Variants in DDX50 observed in about 807,000 individuals in gnomAD.
DDX50 encodes the protein ATP-dependent RNA helicase DDX50.
Under a neutral mutation model 94.8 loss-of-function variants are expected in DDX50, and 56 were observed. The ratio of observed to expected loss-of-function variants is 0.59; its 90% confidence interval spans 0.48 to 0.74. DDX50 has a LOEUF of 0.74. DDX50 is among the 30% of genes least tolerant of loss of function. DDX50 has a pLI of 0.00. For missense variants in DDX50, 713 were observed against 881.2 expected, an observed-to-expected ratio of 0.81 and a Z score of 2.42; for synonymous variants, 264 against 295.4, an observed-to-expected ratio of 0.89 and a Z score of 1.09.
At chr10:68,921,580 G>C (rs1346921031) in intron 8 of DDX50, among the ~76,000 whole-genome samples, 1 of 152,126 alleles carries the variant, frequency 6.6e-6, no homozygotes, top group Non-Finnish European at 1.5e-5. Flanking sequence ...TTTTTGTGAT[G>C]CTAACATCCA....
intron 4 of DDX50, among the ~76,000 whole-genome samples, chr10:68,912,557 G>A (rs1261154933): frequency 6.6e-6 from 1 of 152,138 alleles, no homozygotes; most frequent in Admixed American, 6.5e-5. Flanking sequence ...AGATGTTACT[G>A]GAGATTCCAG....
chr10:68,901,641 C>A (rs766833989), intron 1 of DDX50, among the ~76,000 whole-genome samples, 170 bp downstream of exon 1: 1 of 152,212 alleles, frequency 6.6e-6, no homozygotes, highest in Non-Finnish European at 1.5e-5. Flanking sequence ...TCCACCTCCA[C>A]CCTCCCGACC....
At chr10:68,945,079 T>G (rs1306155761) in intron 14 of DDX50, among the ~76,000 whole-genome samples, 2 of 152,188 alleles carry the variant, frequency 1.3e-5, no homozygotes, top group Non-Finnish European at 2.9e-5. Context: ...AATTTACTAT[T>G]ATTAGGACTG....
intron 10 of DDX50, 24 bp from the exon 11 acceptor site, chr10:68,935,982 T>C: frequency 2.6e-6 from 4 of 1,512,440 alleles, no homozygotes; most frequent in Non-Finnish European, 3.6e-6. Flanking sequence ...CCATTTTTCT[T>C]TAATGTAACT....
intron 14 of DDX50, among the ~76,000 whole-genome samples, chr10:68,943,896 T>C (rs965836559): frequency 2.0e-5 from 3 of 152,196 alleles, no homozygotes; most frequent in African/African-American, 7.2e-5. Context: ...TTATTATAAA[T>C]CATTTCAAAC....
At chr10:68,905,281 A>G (rs1188271263) in intron 1 of DDX50, among the ~76,000 whole-genome samples, 1 of 152,048 alleles carries the variant, frequency 6.6e-6, no homozygotes, top group African/African-American at 2.4e-5. Context: ...AACACTGGCC[A>G]CTAGTTTGAG....
At chr10:68,928,061 A>G (rs1842136493) in intron 8 of DDX50, among the ~76,000 whole-genome samples, 1 of 152,170 alleles carries the variant, frequency 6.6e-6, no homozygotes, top group South Asian at 2.1e-4. Flanking sequence ...TTTGAAATTA[A>G]AAGAATTTCC....
chr10:68,911,911 T>G (rs1214227791), intron 4 of DDX50, among the ~76,000 whole-genome samples: 1 of 152,214 alleles, frequency 6.6e-6, no homozygotes, highest in Non-Finnish European at 1.5e-5. Context: ...TAAAAAGCTG[T>G]GTGCACTTAA....
intron 8 of DDX50, among the ~76,000 whole-genome samples, chr10:68,922,980 C>T (rs1043855477): frequency 1.5e-4 from 22 of 150,210 alleles, no homozygotes; most frequent in African/African-American, 5.1e-4. Context: ...TTAGCAGAGA[C>T]GGGTTTCACC....
At chr10:68,925,026 T>C (rs1303205805) in intron 8 of DDX50, among the ~76,000 whole-genome samples, 1 of 151,452 alleles carries the variant, frequency 6.6e-6, no homozygotes, top group Non-Finnish European at 1.5e-5. Context: ...ACTGGGTCCC[T>C]GAATCACCTG....
In DDX50 at chr10:68,934,347, G is replaced by A. The variant is rs148822521; in HGVS notation, c.1388G>A (p.Ser463Asn). ...DIPEVDLVIQSSPPQDVESYI... is the reference protein window; with the variant it reads ...DIPEVDLVIQNSPPQDVESYI... ...CCTGAAGTTGACCTGGTGATTCAAAGTTCTCCTCCTCAGGTAGGAAATGGG... is the reference window on the plus strand; with the variant it reads ...CCTGAAGTTGACCTGGTGATTCAAAATTCTCCTCCTCAGGTAGGAAATGGG... Residue 463 changes from serine (S) to asparagine (N), a missense_variant, in exon 9 of 15, where the codon AGT becomes AAT. Transcript: ENST00000373585. This position sits in a 1 kb window ranked among gnomAD's most constrained non-coding sequence, Gnocchi z 4.0. 10 of 1,613,458 alleles carry A rather than the reference G, an allele frequency of 6.2e-6. No individual in the cohort carries two copies. The highest frequency in any genetic ancestry group is 4.0e-5 in the African/African-American group (3 of 74,892).
At chr10:68,905,416 T>G (rs985332163) in intron 1 of DDX50, among the ~76,000 whole-genome samples, 2 of 152,068 alleles carry the variant, frequency 1.3e-5, no homozygotes, top group Non-Finnish European at 2.9e-5. Flanking sequence ...GACTTCTATA[T>G]GAATTATATA....
At chr10:68,931,645 G>A (rs1008383378) in intron 8 of DDX50, among the ~76,000 whole-genome samples, 3 of 150,802 alleles carry the variant, frequency 2.0e-5, no homozygotes, top group Non-Finnish European at 4.4e-5. Flanking sequence ...TGTTGGTCTC[G>A]AACTCCTGAC....
chr10:68,907,728 CTTTT>C (rs111958927), intron 2 of DDX50, among the ~76,000 whole-genome samples: 1 of 147,758 alleles, frequency 6.8e-6, no homozygotes, highest in African/African-American at 2.5e-5. Flanking sequence ...GTGTTATGGC[CTTTT>C]TTTTTTTAAT....
At chr10:68,922,062 G>C (rs1036952307) in intron 8 of DDX50, among the ~76,000 whole-genome samples, 1 of 152,080 alleles carries the variant, frequency 6.6e-6, no homozygotes. Flanking sequence ...TTAGCATTTG[G>C]TTTTACAGTT....
intron 8 of DDX50, among the ~76,000 whole-genome samples, chr10:68,929,356 C>CTTCTTTCCTTCCTTTCCT (rs768214240): frequency 1.4e-5 from 2 of 140,278 alleles, no homozygotes; most frequent in Admixed American, 8.0e-5. Flanking sequence ...TCCTTCTTTC[C>CTTCTTTCCTTCCTTTCCT]TTCTTTCCTT....
At chr10:68,914,380 T>C (rs1160260994) in intron 7 of DDX50, among the ~76,000 whole-genome samples, 176 bp downstream of exon 7, 1 of 151,796 alleles carries the variant, frequency 6.6e-6, no homozygotes, top group Non-Finnish European at 1.5e-5. Flanking sequence ...ATAGAATAAA[T>C]AGGGGGAAAA....
chr10:68,929,321 CT>C (rs1842182737), intron 8 of DDX50, among the ~76,000 whole-genome samples: 1 of 143,706 alleles, frequency 7.0e-6, no homozygotes, highest in Admixed American at 7.0e-5. Context: ...CTCTTTCTTT[CT>C]CTTTCTTTCT....
intron 7 of DDX50, among the ~76,000 whole-genome samples, chr10:68,917,505 T>G (rs1841830332): frequency 6.6e-6 from 1 of 152,212 alleles, no homozygotes; most frequent in Non-Finnish European, 1.5e-5. Flanking sequence ...TCCCACAGTC[T>G]GTTTTGCTGA....
Sources: gnomAD v4.1 joint callset for allele counts (sites outside exome capture counted in the v4.1 genomes callset) on GRCh38, gnomAD v4.1.1 for gene constraint, Gnocchi (gnomAD v3.1) non-coding constraint, MANE v1.5 for transcripts, NCBI Gene and HGNC (gene_info 2026-07-23, HGNC 2026-07-21) for gene names.